Variants in RARB observed in about 807,000 individuals in gnomAD.
RARB encodes retinoic acid receptor beta, also known as HBV-activated protein.
Under a neutral mutation model 51.9 loss-of-function variants are expected in RARB, and 17 were observed. That is an observed-to-expected ratio of 0.33 (90% confidence interval 0.22 to 0.49). The LOEUF is 0.49. Ranked by LOEUF, RARB falls within the 20% of genes least tolerant of loss-of-function variation. RARB has a pLI of 0.99. For missense variants in RARB, 369 were observed against 550.8 expected (o/e 0.67, Z 3.30); for synonymous variants, 215 against 195.4 (o/e 1.10, Z -0.84).
chr3:25,260,342 G>T (rs1039736140), intron 5 of RARB, among the ~76,000 whole-genome samples: 3 of 152,108 alleles, frequency 2.0e-5, no homozygotes, highest in African/African-American at 7.2e-5. Flanking sequence ...AGCCAATAAA[G>T]AATTCCTAAA....
chr3:25,501,223 T>G lies in RARB; in HGVS notation c.348T>G (p.Thr116=), dbSNP rs1357844165. 1 of 1,609,454 alleles carries G rather than the reference T, an allele frequency of 6.2e-7. No individual in the cohort carries two copies. The highest frequency in any genetic ancestry group is 2.2e-5 in the East Asian group (1 of 44,536). ...GTATTCAGAAGAATATGATTTACAC[T>G]TGTCACCGAGATAAGAACTGTGTTA... ...RRSIQKNMIY[T]CHRDKNCVIN... Residue 116 remains threonine (T), a synonymous_variant, in exon 3 of 8, where the codon ACT becomes ACG. Coordinates refer to ENST00000330688, the MANE Select transcript of RARB (RefSeq NM_000965.5).
intron 4 of RARB, among the ~76,000 whole-genome samples, chr3:25,148,260 CGTTCA>C (rs200712168): frequency 1.7e-5 from 2 of 115,162 alleles, no homozygotes; most frequent in East Asian, 4.0e-4. Flanking sequence ...AGAAACACAC[CGTTCA>C]ATTCACTGGC....
At chr3:25,045,611 G>C (rs548801621) in intron 2 of RARB, among the ~76,000 whole-genome samples, 1 of 152,318 alleles carries the variant, frequency 6.6e-6, no homozygotes, top group South Asian at 2.1e-4. Flanking sequence ...AGAACAATGA[G>C]ACATGACTGA....
chr3:25,530,018 C>G (rs1698830306), intron 3 of RARB, among the ~76,000 whole-genome samples: 1 of 152,048 alleles, frequency 6.6e-6, no homozygotes, highest in Non-Finnish European at 1.5e-5. Flanking sequence ...CTGAGCAACC[C>G]ACGGACCCGT....
intron 2 of RARB, among the ~76,000 whole-genome samples, chr3:25,056,377 A>G (rs1384385833): frequency 6.6e-6 from 1 of 152,190 alleles, no homozygotes; most frequent in Non-Finnish European, 1.5e-5. Context: ...TACTGGCTCA[A>G]AAGTATATTT....
chr3:24,892,398 A>G (rs17015415), intron 2 of RARB, among the ~76,000 whole-genome samples: 2,565 of 152,202 alleles, frequency 0.017, 65 homozygotes, highest in African/African-American at 0.059. Context: ...AGTTGATGGT[A>G]TAAACTGCTC....
In RARB at chr3:25,394,916, C is replaced by T. The variant is rs563293198; in HGVS notation, c.179-66277C>T. On this transcript the variant is annotated intron_variant, in intron 5 of 11. Coordinates refer to the RARB transcript ENST00000383772. The stretch of plus-strand genomic sequence containing the variant: ...TTTACACTCAACATTAGTATGAAAA[C>T]GTGAGGTACTATTCTGTTCATTGTG... Among the ~76,000 whole-genome samples the T allele has an allele frequency of 3.4e-4, 51 of 152,238 alleles. No homozygotes were observed. The South Asian group carries it at 6.0e-3, about 18-fold the overall frequency.
intron 5 of RARB, among the ~76,000 whole-genome samples, chr3:25,316,734 A>T (rs1385817867): frequency 6.6e-6 from 1 of 151,588 alleles, no homozygotes; most frequent in Non-Finnish European, 1.5e-5. Context: ...CTGGATTGCA[A>T]GGGACTGACA....
At chr3:25,522,791 A>C (rs748588953) in intron 3 of RARB, among the ~76,000 whole-genome samples, 1 of 152,066 alleles carries the variant, frequency 6.6e-6, no homozygotes, top group Non-Finnish European at 1.5e-5. Context: ...GCCCTCTTCA[A>C]CCACACCTGA....
intron 3 of RARB, among the ~76,000 whole-genome samples, chr3:25,567,579 A>G (rs985642407): frequency 3.3e-5 from 5 of 152,060 alleles, no homozygotes; most frequent in Non-Finnish European, 5.9e-5. Context: ...TCCACTTTTC[A>G]ACTGCCGTGA....
At chr3:25,257,579 GT>G (rs1702896614) in intron 5 of RARB, among the ~76,000 whole-genome samples, 1 of 152,048 alleles carries the variant, frequency 6.6e-6, no homozygotes, top group South Asian at 2.1e-4. Context: ...CAGATATGGA[GT>G]CAGTTTCATC....
At chr3:25,072,483 T>C (rs1350151621) in intron 3 of RARB, among the ~76,000 whole-genome samples, 1 of 152,098 alleles carries the variant, frequency 6.6e-6, no homozygotes, top group African/African-American at 2.4e-5. Flanking sequence ...GAAAGATCCA[T>C]TTTTGGGGGA....
chr3:25,131,394 T>C (rs919128728), intron 3 of RARB, among the ~76,000 whole-genome samples: 2 of 152,054 alleles, frequency 1.3e-5, no homozygotes, highest in African/African-American at 4.8e-5. Context: ...TGGAAAATAG[T>C]CTTGGCAAAG....
intron 2 of RARB, among the ~76,000 whole-genome samples, chr3:25,059,013 C>A (rs114029609): frequency 0.018 from 2,666 of 151,302 alleles, 61 homozygotes; most frequent in African/African-American, 0.06. Flanking sequence ...ATGCCTTGGC[C>A]AGTATCCCAG....
chr3:25,110,207 G>A (rs1279731162), intron 3 of RARB, among the ~76,000 whole-genome samples: 1 of 152,198 alleles, frequency 6.6e-6, no homozygotes, highest in Non-Finnish European at 1.5e-5. Context: ...CCATGCTTAG[G>A]CTAAATACAT....
rs548925212 is a variant in RARB, at chr3:25,245,728, C to T, written c.178+71153C>T. 2.0e-5 allele frequency among the ~76,000 whole-genome samples: 3 copies of T among 152,192 alleles called. No homozygotes were observed. In the East Asian group the frequency reaches 5.8e-4, roughly 29 times the overall value. On this transcript the variant is annotated intron_variant, in intron 5 of 11. Coordinates refer to the RARB transcript ENST00000383772. Reference sequence around the variant, plus strand: ...TAACCTGACCTTTCTCTCTGACTGCCCTTAACATTTTTTTCCTTCATTTCA... The same window carrying T: ...TAACCTGACCTTTCTCTCTGACTGCTCTTAACATTTTTTTCCTTCATTTCA...
At chr3:25,373,774 T>C (rs1706375752) in intron 5 of RARB, among the ~76,000 whole-genome samples, 1 of 152,176 alleles carries the variant, frequency 6.6e-6, no homozygotes, top group Non-Finnish European at 1.5e-5. Flanking sequence ...GAGCCCATGT[T>C]CTTATGGGAT....
At chr3:25,250,986 C>A (rs1162542607) in intron 5 of RARB, among the ~76,000 whole-genome samples, 2 of 152,260 alleles carry the variant, frequency 1.3e-5, no homozygotes, top group Non-Finnish European at 1.5e-5. Flanking sequence ...TGTTACCTTG[C>A]TTTTCTCCCT....
At chr3:25,384,360 A>G (rs1294867021) in intron 5 of RARB, among the ~76,000 whole-genome samples, 2 of 152,052 alleles carry the variant, frequency 1.3e-5, no homozygotes, top group African/African-American at 4.8e-5. Flanking sequence ...GTTATTTCCT[A>G]TTAACCGATA....
Sources: gnomAD v4.1 joint callset for allele counts (sites outside exome capture counted in the v4.1 genomes callset) on GRCh38, gnomAD v4.1.1 for gene constraint, MANE v1.5 for transcripts, NCBI Gene and HGNC (gene_info 2026-07-23, HGNC 2026-07-21) for gene names.